The following FANCI variants were observed in gnomAD, a reference collection of about 807,000 sequenced individuals.
The protein encoded by FANCI is Fanconi anemia group I protein.
In FANCI, 156 loss-of-function variants were observed where a neutral mutation model predicts 176.1. That is an observed-to-expected ratio of 0.89 (90% CI 0.78 to 1.01). FANCI has a LOEUF of 1.01. FANCI is among the 50% of genes least tolerant of loss of function. FANCI has a pLI of 0.00. For synonymous variants in FANCI, 613 were observed against 541.7 expected (o/e 1.13, Z -1.83); for missense variants, 1,678 against 1,534.1 (o/e 1.09, Z -1.57).
At chr15:89,255,510 A>G (rs1255870147) in intron 2 of FANCI, among the ~76,000 whole-genome samples, 2 of 152,148 alleles carry the variant, frequency 1.3e-5, no homozygotes, top group African/African-American at 2.4e-5. Flanking sequence ...GGATCAGAAT[A>G]TCACCAATGA....
chr15:89,286,977 C>CTTTTTTTTTTTTTTTGTTTTTT (rs2053839955), intron 18 of FANCI, among the ~76,000 whole-genome samples: 1 of 86,054 alleles, frequency 1.2e-5, no homozygotes, highest in Admixed American at 1.5e-4. Flanking sequence ...TCACCTTGCA[C>CTTTTTTTTTTTTTTTGTTTTTT]TTTTTTTTTT....
intron 35 of FANCI, 46 bp downstream of exon 35, chr15:89,313,018 C>G (rs369678657): frequency 6.4e-7 from 1 of 1,560,874 alleles, no homozygotes; most frequent in Non-Finnish European, 8.8e-7. Flanking sequence ...TTGGTGAACC[C>G]GAAAACATGA....
intron 35 of FANCI, among the ~76,000 whole-genome samples, chr15:89,313,803 G>A (rs865901730): frequency 1.3e-5 from 2 of 151,806 alleles, no homozygotes; most frequent in Non-Finnish European, 2.9e-5. Flanking sequence ...ATACTGGAGA[G>A]ATATGAAAAA....
intron 18 of FANCI, among the ~76,000 whole-genome samples, chr15:89,289,014 T>C (rs1186311708): frequency 6.9e-6 from 1 of 145,182 alleles, no homozygotes; most frequent in Admixed American, 6.9e-5. Context: ...TTCTTTGAGG[T>C]TTTTTTTTTT....
chr15:89,289,343 AC>A (rs1469013271), intron 18 of FANCI, among the ~76,000 whole-genome samples: 1 of 151,468 alleles, frequency 6.6e-6, no homozygotes, highest in African/African-American at 2.4e-5. Context: ...TGTTGCCCAG[AC>A]TGGAATGCAG....
At chr15:89,280,905 T>A (rs1347400317) in intron 14 of FANCI, among the ~76,000 whole-genome samples, 2 of 152,236 alleles carry the variant, frequency 1.3e-5, no homozygotes, top group African/African-American at 4.8e-5. Context: ...CTACTACTTA[T>A]GTCTAGGCAG....
intron 18 of FANCI, among the ~76,000 whole-genome samples, chr15:89,289,690 A>G (rs994997206): frequency 1.3e-5 from 2 of 150,994 alleles, no homozygotes; most frequent in Admixed American, 1.3e-4. Flanking sequence ...CCTCTTTTCC[A>G]GGTTCCAGAA....
intron 31 of FANCI, 135 bp downstream of exon 31, chr15:89,305,833 GAA>G: frequency 9.0e-7 from 1 of 1,107,230 alleles, no homozygotes; most frequent in South Asian, 1.3e-5. Context: ...CCTATGTGAT[GAA>G]AGAAGTAGAA....
chr15:89,294,109 A>T, intron 23 of FANCI, 112 bp downstream of exon 23: 1 of 1,248,832 alleles, frequency 8.0e-7, no homozygotes, highest in East Asian at 2.3e-5. Context: ...ATAAGTCAGG[A>T]GGTTTTATTT....
intron 2 of FANCI, among the ~76,000 whole-genome samples, chr15:89,257,208 AT>A (rs1014537440): frequency 2.7e-4 from 41 of 152,102 alleles, no homozygotes; most frequent in African/African-American, 8.4e-4. Context: ...GCTTGGCCAG[AT>A]TTCTTTTCCT....
chr15:89,300,811 A>G (rs1274404246), intron 26 of FANCI, among the ~76,000 whole-genome samples: 1 of 152,256 alleles, frequency 6.6e-6, no homozygotes, highest in African/African-American at 2.4e-5. Context: ...TTATTTAACA[A>G]GTAATTCTGA....
chr15:89,314,058 G>GACACAC (rs544351534), intron 35 of FANCI, among the ~76,000 whole-genome samples: 1 of 62,210 alleles, frequency 1.6e-5, no homozygotes, highest in African/African-American at 5.9e-5. Flanking sequence ...TATAATCACA[G>GACACAC]ACACACACAC....
intron 34 of FANCI, 91 bp downstream of exon 34, chr15:89,307,763 A>G: frequency 2.5e-6 from 4 of 1,606,952 alleles, no homozygotes; most frequent in Non-Finnish European, 2.6e-6. Flanking sequence ...CTGAGCATAT[A>G]TAAACTTTTT....
Position 89,316,564 on chromosome 15 carries a change from G to C in FANCI, c.*105G>C. The C allele has an allele frequency of 7.9e-7, 1 of 1,266,858 alleles. No individual in the cohort carries two copies. The highest frequency in any genetic ancestry group is 1.1e-6 in the Non-Finnish European group (1 of 884,586). 78.5% of individuals were successfully genotyped at this position (1,266,858 alleles called of 1,614,324 possible). A position where few individuals can be genotyped will look rare whatever the true frequency, so the allele number is the denominator to read the frequency against. ...AGTCCACACCGATGTTGGCATCTTGGTTCTGAACCCACTGAATTCAACTGC... is the reference window on the plus strand; with the variant it reads ...AGTCCACACCGATGTTGGCATCTTGCTTCTGAACCCACTGAATTCAACTGC... On this transcript the variant is annotated 3_prime_UTR_variant, in exon 38 of 38. Coordinates refer to ENST00000310775, the MANE Select transcript of FANCI (RefSeq NM_001113378.2).
At chr15:89,314,774 C>A in intron 36 of FANCI, 67 bp downstream of exon 36, 2 of 1,158,520 alleles carry the variant, frequency 1.7e-6, no homozygotes, top group Non-Finnish European at 2.6e-6. Context: ...CAAACTGAAG[C>A]AGCACAACTA....
Position 89,316,881 on chromosome 15 carries a change from G to T in FANCI, c.*422G>T. ...GCCACCTCAAGAACTGTAACTGAGA[G>T]CTCAGAAGTGAGCAAAGGAGCTTAA... On this transcript the variant is annotated 3_prime_UTR_variant, in exon 38 of 38. Transcript: ENST00000310775. 2 of 1,292,898 alleles carry T rather than the reference G, an allele frequency of 1.5e-6. No homozygotes were observed. The highest frequency in any genetic ancestry group is 2.3e-6 in the Non-Finnish European group (2 of 886,594). 80.1% of individuals were successfully genotyped at this position (1,292,898 alleles called of 1,614,324 possible).
At chr15:89,261,165 G>A (rs1011485217) in intron 4 of FANCI, among the ~76,000 whole-genome samples, 1 of 152,130 alleles carries the variant, frequency 6.6e-6, no homozygotes, top group Admixed American at 6.5e-5. Flanking sequence ...CAGCTACTTG[G>A]GAGGCTGAGG....
intron 12 of FANCI, 99 bp from the exon 13 acceptor site, chr15:89,276,612 C>G: frequency 7.6e-7 from 1 of 1,307,886 alleles, no homozygotes. Context: ...CGTTGATTAT[C>G]TAGGTCAAGT....
At chr15:89,288,770 A>T (rs2053932366) in intron 18 of FANCI, among the ~76,000 whole-genome samples, 1 of 151,646 alleles carries the variant, frequency 6.6e-6, no homozygotes, top group Admixed American at 6.6e-5. Flanking sequence ...CCATAGGCAC[A>T]AGCCACTGCA....
Sources: gnomAD v4.1 joint callset for allele counts (sites outside exome capture counted in the v4.1 genomes callset) on GRCh38, gnomAD v4.1.1 for gene constraint, MANE v1.5 for transcripts, NCBI Gene and HGNC (gene_info 2026-07-23, HGNC 2026-07-21) for gene names.